The following BCORL1 variants were observed in gnomAD, a reference collection of about 807,000 sequenced individuals.
BCORL1 encodes BCL-6 corepressor-like protein 1.
BCORL1 carries 7 observed loss-of-function variants against 87.6 expected under a neutral mutation model. The ratio of observed to expected loss-of-function variants is 0.08; its 90% confidence interval spans 0.05 to 0.15. The LOEUF (loss-of-function observed/expected upper bound fraction) is 0.15, where lower values mean the gene tolerates loss of function less well. Ranked by LOEUF, BCORL1 falls within the 10% of genes least tolerant of loss-of-function variation. The pLI, the probability that BCORL1 is intolerant of heterozygous loss-of-function variation, is 1.00. For synonymous variants in BCORL1, 591 were observed against 634.4 expected, an observed-to-expected ratio of 0.93 and a Z score of 1.03; for missense variants, 1,215 against 1,499.7, an observed-to-expected ratio of 0.81 and a Z score of 3.13.
At chrX:130,053,807 A>G (rs749438431) in intron 13 of BCORL1, among the ~76,000 whole-genome samples, 139 of 112,290 alleles carry the variant, frequency 1.2e-3, no homozygotes, top group Non-Finnish European at 2.3e-3. Flanking sequence ...TGAATCACCA[A>G]AGCAAGACTG....
chrX:129,989,822 G>C (rs1279988960), intron 1 of BCORL1, among the ~76,000 whole-genome samples: 3 of 106,933 alleles, frequency 2.8e-5, no homozygotes, highest in African/African-American at 1.0e-4. Flanking sequence ...GTCTTGCTCT[G>C]TCACCCAGGC....
chrX:130,055,514 G>A (rs755201263), intron 13 of BCORL1, among the ~76,000 whole-genome samples: 11 of 112,654 alleles, frequency 9.8e-5, no homozygotes, highest in South Asian at 7.2e-4. Flanking sequence ...TCACAGGGGC[G>A]CAGGCTAAGT....
intron 13 of BCORL1, among the ~76,000 whole-genome samples, chrX:130,053,029 A>G (rs745936096): frequency 8.9e-6 from 1 of 111,825 alleles, no homozygotes; most frequent in South Asian, 3.7e-4. Flanking sequence ...AATCCCAGTT[A>G]CGAGGGAAGC....
chrX:130,003,034 TGAG>T (rs1395083037), intron 1 of BCORL1, among the ~76,000 whole-genome samples: 2 of 110,845 alleles, frequency 1.8e-5, no homozygotes, highest in East Asian at 5.7e-4. Context: ...TCTGCAGAGA[TGAG>T]GAGGAGGATG....
chrX:130,034,733 G>C, intron 9 of BCORL1, 57 bp downstream of exon 9: 1 of 854,227 alleles, frequency 1.2e-6, no homozygotes, highest in Non-Finnish European at 1.6e-6. Context: ...CTATGAAGAA[G>C]CTTTTCTCCA....
At chrX:129,984,208 G>GGCCGCCGCAGCCGTT (rs1926398585) in intron 1 of BCORL1, among the ~76,000 whole-genome samples, 1 of 105,605 alleles carries the variant, frequency 9.5e-6, no homozygotes, top group Non-Finnish European at 2.0e-5. Flanking sequence ...CTCCTGCTGG[G>GGCCGCCGCAGCCGTT]GCCGCCGCAG....
chrX:129,992,650 A>T (rs1176361274), intron 1 of BCORL1, among the ~76,000 whole-genome samples: 4 of 111,861 alleles, frequency 3.6e-5, no homozygotes, highest in Non-Finnish European at 7.5e-5. Flanking sequence ...ATAAAAGCAA[A>T]AGTTGGGTGA....
chrX:130,054,325 G>A (rs1028060070), intron 13 of BCORL1, among the ~76,000 whole-genome samples: 6 of 111,663 alleles, frequency 5.4e-5, no homozygotes, highest in Admixed American at 9.6e-5. Context: ...ATTACAATAG[G>A]GATGTGAATC....
chrX:130,011,002 T>TAA (rs1186630415), intron 2 of BCORL1, among the ~76,000 whole-genome samples: 684 of 19,079 alleles, frequency 0.036, 5 homozygotes, highest in Non-Finnish European at 0.048. Context: ...AGATTCAATC[T>TAA]AAAAAAAAAA....
intron 11 of BCORL1, among the ~76,000 whole-genome samples, chrX:130,041,117 T>A (rs1472550804): frequency 2.7e-5 from 3 of 110,277 alleles, no homozygotes; most frequent in East Asian, 5.7e-4. Flanking sequence ...ATGCCTGTGA[T>A]CCCAGCACTT....
Position 130,055,899 on chromosome X carries a change from G to A in BCORL1, c.5121G>A (p.Lys1707=), listed in dbSNP as rs762627141. ...FLFSDVLKRL[K]LSSRIFQARF... ...TTTCCGATGTCTTGAAGAGGCTGAAGCTTTCCTCGAGGATCTTTCAGGCCC... is the reference window on the plus strand; with the variant it reads ...TTTCCGATGTCTTGAAGAGGCTGAAACTTTCCTCGAGGATCTTTCAGGCCC... Residue 1707 remains lysine (K), a synonymous_variant, in exon 14 of 14, where the codon AAG becomes AAA. Coordinates refer to ENST00000540052, the MANE Select transcript of BCORL1 (RefSeq NM_001379451.1). The A allele has an allele frequency of 1.7e-6, 2 of 1,210,667 alleles. No individual in the cohort carries two copies. The highest frequency in any genetic ancestry group is 3.5e-5 in the South Asian group (2 of 56,781).
At chrX:130,035,596 C>G (rs7881419) in intron 9 of BCORL1, among the ~76,000 whole-genome samples, 6,316 of 112,121 alleles carry the variant, frequency 0.056, 448 homozygotes, top group African/African-American at 0.19. Flanking sequence ...CTGGTCAGCT[C>G]TGGGGAGCTG....
chrX:130,030,983 C>T (rs1930560701), intron 8 of BCORL1, among the ~76,000 whole-genome samples: 1 of 112,833 alleles, frequency 8.9e-6, no homozygotes, highest in Non-Finnish European at 1.9e-5. Context: ...GGGAACGCTC[C>T]TGCAACACTG....
intron 11 of BCORL1, among the ~76,000 whole-genome samples, chrX:130,040,140 C>T (rs753042424): frequency 1.8e-5 from 2 of 112,011 alleles, no homozygotes; most frequent in Admixed American, 1.9e-4. Context: ...ATCTCTGAAC[C>T]TTCTTGGAGG....
chrX:130,023,551 A>C (rs1462024969), intron 6 of BCORL1, among the ~76,000 whole-genome samples: 2 of 111,835 alleles, frequency 1.8e-5, no homozygotes, highest in African/African-American at 6.5e-5. Flanking sequence ...GTCCCAGTTC[A>C]CCCAATTTCC....
chrX:129,994,702 C>A (rs2124352573), intron 1 of BCORL1, among the ~76,000 whole-genome samples: 1 of 111,515 alleles, frequency 9.0e-6, no homozygotes, highest in African/African-American at 3.3e-5. Flanking sequence ...ACCTAGCCTT[C>A]CCACTAAATA....
chrX:130,018,537 G>A (rs931646855), intron 4 of BCORL1, among the ~76,000 whole-genome samples: 1 of 112,763 alleles, frequency 8.9e-6, no homozygotes, highest in African/African-American at 3.2e-5. Flanking sequence ...ATACATAAGT[G>A]TGTACAGTAG....
intron 1 of BCORL1, among the ~76,000 whole-genome samples, chrX:129,997,298 G>C (rs1368046176): frequency 1.8e-5 from 2 of 111,116 alleles, no homozygotes; most frequent in Admixed American, 1.9e-4. Context: ...TTTGGCCCAT[G>C]ATGGTGAAAT....
intron 1 of BCORL1, among the ~76,000 whole-genome samples, chrX:129,989,444 CTTTTTTTTTTTT>C (rs55654985): frequency 0.06 from 1,059 of 17,681 alleles, 65 homozygotes; most frequent in East Asian, 0.36. Context: ...CCGCACCCGT[CTTTTTTTTTTTT>C]TTTTTTTTTT....
Sources: gnomAD v4.1 joint callset for allele counts (sites outside exome capture counted in the v4.1 genomes callset) on GRCh38, gnomAD v4.1.1 for gene constraint, MANE v1.5 for transcripts, NCBI Gene and HGNC (gene_info 2026-07-23, HGNC 2026-07-21) for gene names.